Variants in CDRT15L2 observed in about 807,000 individuals in gnomAD.
CDRT15L2 encodes the protein CMT1A duplicated region transcript 15 like 2.
Under a neutral mutation model 21.5 loss-of-function variants are expected in CDRT15L2, and 13 were observed. The observed-to-expected ratio is 0.60, with a 90% CI of 0.39 to 0.96. The LOEUF (loss-of-function observed/expected upper bound fraction) is 0.96, where lower values mean the gene tolerates loss of function less well. Among genes scored for constraint, CDRT15L2 ranks in the 40% least tolerant of loss-of-function variants. CDRT15L2 has a pLI of 0.00. For synonymous variants in CDRT15L2, 121 were observed against 144.9 expected, an observed-to-expected ratio of 0.84 and a Z score of 1.18; for missense variants, 292 against 354.8, an observed-to-expected ratio of 0.82 and a Z score of 1.42.
Position 20,580,557 on chromosome 17 carries a change from G to GGTATA in CDRT15L2, c.675_679dup (p.Ile227SerfsTer5). 1.3e-6 allele frequency: 2 copies of GGTATA among 1,551,190 alleles called. No individual in the cohort carries two copies. The highest frequency in any genetic ancestry group is 1.7e-6 in the Non-Finnish European group (2 of 1,147,010). On this transcript the variant is annotated frameshift_variant, in exon 2 of 2. Transcript: ENST00000399044. LOFTEE classifies it high-confidence loss of function. ...CTGTTTATTGTGCTAATTCTGGTGG[G>GGTATA]GTATATCTCTGTGAAGGTGATGCTC...
Position 20,580,447 on chromosome 17 carries a change from C to T in CDRT15L2, c.564C>T (p.Asp188=). 1 of 1,548,510 alleles carries T rather than the reference C, an allele frequency of 6.5e-7. No individual in the cohort carries two copies. Among genetic ancestry groups the T allele is most frequent in the Admixed American group, 2.0e-5 (1 of 50,914 alleles). ...ATGGTGGCAAACATGGAGGCGGAGACCAGGGCATTCAGACTGGACTCCTGT... is the reference window on the plus strand; with the variant it reads ...ATGGTGGCAAACATGGAGGCGGAGATCAGGGCATTCAGACTGGACTCCTGT... ...PGHGGKHGGG[D]QGIQTGLLYL... Residue 188 remains aspartate (D), a synonymous_variant, in exon 2 of 2, where the codon GAC becomes GAT. Coordinates refer to ENST00000399044, the MANE Select transcript of CDRT15L2 (RefSeq NM_001190790.2).
At position 20,580,478 on chromosome 17, in the gene CDRT15L2, G is replaced by T. The variant is rs1303468704; in HGVS notation, c.595G>T (p.Ala199Ser). 8 of 1,550,562 alleles carry T rather than the reference G, an allele frequency of 5.2e-6. No individual in the cohort carries two copies. Among genetic ancestry groups the T allele is most frequent in the Non-Finnish European group, 5.2e-6 (6 of 1,146,976 alleles). ...CATTCAGACTGGACTCCTGTACCTC[G>T]CTGGAGAGAGGCTTCTCTCATTCGC... ...QGIQTGLLYL[A>S]GERLLSFAGT... The change falls in exon 2 of 2, where the codon GCT becomes TCT. Residue 199 changes from alanine to serine, a missense_variant. Physicochemically the swap from Ala to Ser is moderately conservative, Grantham distance 99. Coordinates refer to ENST00000399044, the MANE Select transcript of CDRT15L2 (RefSeq NM_001190790.2).
chr17:20,580,600 G>C lies in CDRT15L2; in HGVS notation c.717G>C (p.Arg239Ser), dbSNP rs1226742590. 1 of 1,551,448 alleles carries C rather than the reference G, an allele frequency of 6.4e-7. No individual in the cohort carries two copies. The highest frequency in any genetic ancestry group is 1.4e-5 in the African/African-American group (1 of 73,050). ...TGATGCTCAAGAGCATTAAAACAAG[G>C]CTGGGAAGAAGAGTTCCAGCAGCTC... The part of the protein sequence containing the change: ...VKVMLKSIKT[R>S]LGRRVPAAPP... The change falls in exon 2 of 2, where the codon AGG becomes AGC. Residue 239 changes from arginine (R) to serine (S), a missense_variant. By Grantham distance (110) the Arg-to-Ser change is moderately radical. Transcript: ENST00000399044.
In CDRT15L2 at chr17:20,579,732, C is replaced by T. The variant is rs772157901; in HGVS notation, c.-12C>T. ...ACCAGCTCACTTTGTGGGAGACGCT[C>T]AAGAGAGCAAGATGTTCTCCTGTTG... On this transcript the variant is annotated 5_prime_UTR_variant, in exon 1 of 2. Transcript: ENST00000399044. 2 of 1,587,146 alleles carry T rather than the reference C, an allele frequency of 1.3e-6. No homozygotes were observed. The highest frequency in any genetic ancestry group is 3.5e-5 in the Admixed American group (2 of 57,512).
rs2043285379 is a variant in CDRT15L2 at position 20,580,257 on chromosome 17, C to T, written c.374C>T (p.Pro125Leu). ...AGAGCGCTGGAGGTGGAGGGAGCTC[C>T]AGCCAAGGACCAGCCCAGCCAGGAG... is the stretch of plus-strand genomic sequence containing the variant. ...PERALEVEGA[P>L]AKDQPSQELP... Residue 125 changes from proline (P) to leucine (L), a missense_variant, in exon 2 of 2, where the codon CCA becomes CTA. By Grantham distance (98) the Pro-to-Leu change is moderately conservative (BLOSUM62 -3). Coordinates refer to ENST00000399044, the MANE Select transcript of CDRT15L2 (RefSeq NM_001190790.2). The T allele has an allele frequency of 1.4e-6, 2 of 1,476,886 alleles. No individual in the cohort carries two copies. The highest frequency in any genetic ancestry group is 5.0e-5 in the East Asian group (2 of 40,316). 91.5% of individuals were successfully genotyped at this position (1,476,886 alleles called of 1,614,324 possible).
rs2043288969 is a variant in CDRT15L2 at position 20,580,734 on chromosome 17, T to C, written c.*5T>C. The C allele has an allele frequency of 1.9e-6, 3 of 1,559,214 alleles. No homozygotes were observed. In the Admixed American group the frequency reaches 5.8e-5, roughly 30 times the overall value. On this transcript the variant is annotated 3_prime_UTR_variant, in exon 2 of 2. Coordinates refer to ENST00000399044, the MANE Select transcript of CDRT15L2 (RefSeq NM_001190790.2). ...CTGCCCCGAACGGGCTCTTAACAGG[T>C]GGGCAGGGGTTGAGGGGACCAGGAG...
rs2043287897 is a variant in CDRT15L2, at chr17:20,580,586, A to C, written c.703A>C (p.Ser235Arg). The change falls in exon 2 of 2, where the codon AGC becomes CGC. Residue 235 changes from serine to arginine, a missense_variant. Ser to Arg is a moderately radical substitution (Grantham distance 110). Coordinates refer to ENST00000399044, the MANE Select transcript of CDRT15L2 (RefSeq NM_001190790.2). ...TATCTCTGTGAAGGTGATGCTCAAG[A>C]GCATTAAAACAAGGCTGGGAAGAAG... is the stretch of plus-strand genomic sequence containing the variant. ...GYISVKVMLK[S>R]IKTRLGRRVP... The C allele has an allele frequency of 6.4e-7, 1 of 1,551,388 alleles. No individual in the cohort carries two copies. Among genetic ancestry groups the C allele is most frequent in the Admixed American group, 2.0e-5 (1 of 50,988 alleles).
rs1273286742 is a variant in CDRT15L2, at chr17:20,580,416, C to A, written c.533C>A (p.Pro178His). 15 of 1,541,636 alleles carry A rather than the reference C, an allele frequency of 9.7e-6. No individual in the cohort carries two copies. The highest frequency in any genetic ancestry group is 1.3e-5 in the Non-Finnish European group (15 of 1,140,624). The change falls in exon 2 of 2, where the codon CCT (proline) becomes CAT (histidine). Residue 178 changes from proline (P) to histidine (H), a missense_variant. By Grantham distance (77) the Pro-to-His change is moderately conservative (BLOSUM62 -2). Coordinates refer to ENST00000399044, the MANE Select transcript of CDRT15L2 (RefSeq NM_001190790.2). ...AGCAGATCCCATGCTGCCCCTAGTC[C>A]TGGGCATGGTGGCAAACATGGAGGC... ...PASRSHAAPS[P>H]GHGGKHGGGD...
At position 20,580,641 on chromosome 17, in the gene CDRT15L2, G is replaced by A. The variant is rs1396073438; in HGVS notation, c.758G>A (p.Arg253His). Residue 253 changes from arginine to histidine, a missense_variant, in exon 2 of 2, where the codon CGC (arginine) becomes CAC (histidine). Transcript: ENST00000399044. ...RVPAAPPALR[R>H]NLLLQAWKCV... ...CCAGCAGCTCCTCCTGCTCTCAGAC[G>A]CAATCTTCTCCTCCAGGCATGGAAG... is the stretch of plus-strand genomic sequence containing the variant. The A allele has an allele frequency of 3.1e-5, 48 of 1,553,078 alleles. No homozygotes were observed. The highest frequency in any genetic ancestry group is 3.7e-5 in the Non-Finnish European group (43 of 1,147,694).
chr17:20,579,796 G>A lies in CDRT15L2; in HGVS notation c.53G>A (p.Gly18Glu). 6.2e-7 allele frequency: 1 copy of A among 1,609,722 alleles called. No individual in the cohort carries two copies. Among genetic ancestry groups the A allele is most frequent in the Non-Finnish European group, 8.5e-7 (1 of 1,178,962 alleles). ...AGAGGTTGCTGCTTCAGGAATGGAG[G>A]GAGTGAGAGCCTTTTCCGACAATGC... ...TSRGCCFRNGGSESLFRQCRR... is the reference protein window; with the variant it reads ...TSRGCCFRNGESESLFRQCRR... Residue 18 changes from glycine to glutamate, a missense_variant, in exon 1 of 2, where the codon GGG becomes GAG. Transcript: ENST00000399044.
In CDRT15L2 at chr17:20,580,564, C is replaced by A. The variant is rs1309966196; in HGVS notation, c.681C>A (p.Ile227=). The A allele has an allele frequency of 5.8e-6, 9 of 1,551,320 alleles. No individual in the cohort carries two copies. Among genetic ancestry groups the A allele is most frequent in the Non-Finnish European group, 7.8e-6 (9 of 1,147,026 alleles). The change falls in exon 2 of 2, where the codon ATC becomes ATA. Residue 227 remains isoleucine (I), a synonymous_variant. Coordinates refer to ENST00000399044, the MANE Select transcript of CDRT15L2 (RefSeq NM_001190790.2). ...LFIVLILVGY[I]SVKVMLKSIK... is the part of the protein sequence containing the mutation. ...TTGTGCTAATTCTGGTGGGGTATAT[C>A]TCTGTGAAGGTGATGCTCAAGAGCA...
chr17:20,579,725 A>C lies in CDRT15L2; in HGVS notation c.-19A>C. ...CGCCGTAACCAGCTCACTTTGTGGG[A>C]GACGCTCAAGAGAGCAAGATGTTCT... On this transcript the variant is annotated 5_prime_UTR_variant, in exon 1 of 2. Transcript: ENST00000399044. The C allele has an allele frequency of 6.4e-7, 1 of 1,572,724 alleles. No homozygotes were observed. Among genetic ancestry groups the C allele is most frequent in the Admixed American group, 1.8e-5 (1 of 55,442 alleles).
intron 1 of CDRT15L2, 30 bp downstream of exon 1, chr17:20,580,038 C>A: frequency 1.3e-6 from 2 of 1,504,700 alleles, no homozygotes; most frequent in Non-Finnish European, 1.8e-6. Flanking sequence ...GAAGACTTTG[C>A]GGGGGCGGTG....
At position 20,579,963 on chromosome 17, in the gene CDRT15L2, C is replaced by T. The variant is rs2043282955; in HGVS notation, c.220C>T (p.Leu74Phe). The change falls in exon 1 of 2, where the codon CTT becomes TTT. Residue 74 changes from leucine to phenylalanine, a missense_variant. By Grantham distance (22) the Leu-to-Phe change is conservative (BLOSUM62 0). Coordinates refer to ENST00000399044, the MANE Select transcript of CDRT15L2 (RefSeq NM_001190790.2). ...IPSGLPLHIV[L>F]VQEEIREPME... ...ATCGGGGCTGCCTCTGCACATTGTC[C>T]TTGTCCAGGAGGAGATTCGGGAGCC... The T allele has an allele frequency of 1.3e-6, 2 of 1,573,528 alleles. No homozygotes were observed. The highest frequency in any genetic ancestry group is 1.4e-5 in the African/African-American group (1 of 74,048).
rs2043280842 is a variant in CDRT15L2, at chr17:20,579,753, TG to T, written c.11del (p.Cys4PhefsTer38). The T allele has an allele frequency of 6.2e-7, 1 of 1,604,104 alleles. No individual in the cohort carries two copies. Among genetic ancestry groups the T allele is most frequent in the Non-Finnish European group, 8.5e-7 (1 of 1,176,368 alleles). On this transcript the variant is annotated frameshift_variant, in exon 1 of 2. Coordinates refer to ENST00000399044, the MANE Select transcript of CDRT15L2 (RefSeq NM_001190790.2). LOFTEE classifies it high-confidence loss of function. ...CGCTCAAGAGAGCAAGATGTTCTCC[TG>T]TTGCTTCCCCACTTCGAGAGGTTGC... Reference protein sequence around the residue: MFSCCFPTSRGCCF... With the variant: MFSXCFPTSRGCCF...
intron 1 of CDRT15L2, 30 bp downstream of exon 1, chr17:20,580,038 CG>C (rs1567684627): frequency 6.6e-7 from 1 of 1,504,700 alleles, no homozygotes; most frequent in East Asian, 2.5e-5. Context: ...GAAGACTTTG[CG>C]GGGGCGGTGC....
chr17:20,580,719 C>T lies in CDRT15L2; in HGVS notation c.836C>T (p.Thr279Met), dbSNP rs1300277974. Reference protein sequence around the residue: ...RLFAPNVLPRTGS With the variant: ...RLFAPNVLPRMGS ...TTTGCCCCTAATGTGCTGCCCCGAA[C>T]GGGCTCTTAACAGGTGGGCAGGGGT... Residue 279 changes from threonine (T) to methionine (M), a missense_variant, in exon 2 of 2, where the codon ACG (threonine) becomes ATG (methionine). Thr to Met is a moderately conservative substitution (Grantham distance 81). Coordinates refer to ENST00000399044, the MANE Select transcript of CDRT15L2 (RefSeq NM_001190790.2). 16 of 1,564,174 alleles carry T rather than the reference C, an allele frequency of 1.0e-5. No homozygotes were observed. Among genetic ancestry groups the T allele is most frequent in the South Asian group, 8.2e-5 (7 of 84,852 alleles).
At position 20,579,906 on chromosome 17, in the gene CDRT15L2, G is replaced by A; in HGVS notation, c.163G>A (p.Ala55Thr). 1 of 1,603,716 alleles carries A rather than the reference G, an allele frequency of 6.2e-7. No homozygotes were observed. Among genetic ancestry groups the A allele is most frequent in the Non-Finnish European group, 8.5e-7 (1 of 1,175,046 alleles). Residue 55 changes from alanine (A) to threonine (T), a missense_variant, in exon 1 of 2, where the codon GCC becomes ACC. Ala to Thr is a moderately conservative substitution (Grantham distance 58). Transcript: ENST00000399044. ...TQVPQDSPGQ[A>T]LAGQATPEIP... is the part of the protein sequence containing the mutation. ...GGTACCACAGGACAGCCCGGGGCAG[G>A]CCCTAGCTGGCCAGGCCACACCAGA...
In CDRT15L2 at chr17:20,579,941, G is replaced by A. The variant is rs557578499; in HGVS notation, c.198G>A (p.Ser66=). 4.4e-6 allele frequency: 7 copies of A among 1,590,638 alleles called. No individual in the cohort carries two copies. In the East Asian group the frequency reaches 1.1e-4, roughly 26 times the overall value. ...LAGQATPEIP[S]GLPLHIVLVQ... is the part of the protein sequence containing the mutation. ...GCCAGGCCACACCAGAGATCCCATC[G>A]GGGCTGCCTCTGCACATTGTCCTTG... Residue 66 remains serine, a synonymous_variant, in exon 1 of 2, where the codon TCG becomes TCA. Coordinates refer to ENST00000399044, the MANE Select transcript of CDRT15L2 (RefSeq NM_001190790.2).
Sources: allele counts gnomAD v4.1 joint callset, GRCh38; gene constraint gnomAD v4.1.1; transcripts MANE v1.5; gene names NCBI Gene and HGNC (gene_info 2026-07-23, HGNC 2026-07-21).